Variants in IPO11 observed in about 807,000 individuals in gnomAD.
The protein encoded by IPO11 is importin 11.
IPO11 carries 66 observed loss-of-function variants against 143.2 expected under a neutral mutation model. That is an observed-to-expected ratio of 0.46 (90% CI 0.38 to 0.57). IPO11 has a LOEUF of 0.57. IPO11 is among the 20% of genes least tolerant of loss of function. The probability of loss-of-function intolerance (pLI) is 0.00; values close to 1 mark genes in which losing one functional copy is unlikely to be tolerated. For missense variants in IPO11, 1,026 were observed against 1,141.0 expected (o/e 0.90, Z 1.45); for synonymous variants, 385 against 377.8 (o/e 1.02, Z -0.22).
chr5:62,585,766 G>A (rs1422260844), intron 27 of IPO11, among the ~76,000 whole-genome samples: 1 of 152,114 alleles, frequency 6.6e-6, no homozygotes, highest in Non-Finnish European at 1.5e-5. Context: ...GACAAAATTG[G>A]CTTGTTGCAC....
In IPO11 at chr5:62,485,450, A is replaced by G. The variant is rs190560636; in HGVS notation, c.1206A>G (p.Lys402=). The G allele has an allele frequency of 4.4e-6, 7 of 1,608,588 alleles. No individual in the cohort carries two copies. Among genetic ancestry groups the G allele is most frequent in the Middle Eastern group, 1.7e-4 (1 of 6,024 alleles). Reference sequence around the variant, plus strand: ...AAGAAACAGGAGGAGATTCTTGGAAATATAGTTTGAGGGTAAGTATTAATT... The same window carrying G: ...AAGAAACAGGAGGAGATTCTTGGAAGTATAGTTTGAGGGTAAGTATTAATT... The part of the protein sequence containing the change: ...TVEETGGDSW[K]YSLRPCTEVL... The change falls in exon 12 of 30, where the codon AAA becomes AAG. Residue 402 remains lysine (K), a synonymous_variant. Coordinates refer to ENST00000325324, the MANE Select transcript of IPO11 (RefSeq NM_016338.5).
chr5:62,437,245 A>T (rs975705557), intron 1 of IPO11, 29 bp from the exon 2 acceptor site: 18 of 1,543,884 alleles, frequency 1.2e-5, no homozygotes, highest in Non-Finnish European at 1.6e-5. Context: ...TGTAATACAT[A>T]TTCAAGTATG....
At chr5:62,484,941 T>C (rs1746345011) in intron 11 of IPO11, among the ~76,000 whole-genome samples, 1 of 152,056 alleles carries the variant, frequency 6.6e-6, no homozygotes, top group South Asian at 2.1e-4. Context: ...ATTTGCTTTC[T>C]TTATATAGTA....
At chr5:62,515,294 G>T in intron 19 of IPO11, 94 bp from the exon 20 acceptor site, 1 of 705,212 alleles carries the variant, frequency 1.4e-6, no homozygotes, top group East Asian at 2.7e-5. Flanking sequence ...AATATGTGCT[G>T]TCTGGGACTT....
intron 5 of IPO11, among the ~76,000 whole-genome samples, chr5:62,455,884 C>T (rs1745130452): frequency 6.6e-6 from 1 of 151,860 alleles, no homozygotes; most frequent in Admixed American, 6.6e-5. Context: ...GCCACCATGC[C>T]CAGCTAATTT....
intron 29 of IPO11, among the ~76,000 whole-genome samples, chr5:62,626,664 CTT>C (rs535167129): frequency 5.1e-5 from 7 of 136,174 alleles, no homozygotes; most frequent in Non-Finnish European, 4.8e-5. Flanking sequence ...CGAGGAGTCC[CTT>C]TTTTTTTTTT....
chr5:62,626,382 G>T (rs923905029), intron 29 of IPO11, among the ~76,000 whole-genome samples: 1 of 152,034 alleles, frequency 6.6e-6, no homozygotes, highest in African/African-American at 2.4e-5. Flanking sequence ...ACCAACATCG[G>T]TGCATTATTA....
At chr5:62,484,492 A>G (rs564350001) in intron 11 of IPO11, among the ~76,000 whole-genome samples, 29 of 151,260 alleles carry the variant, frequency 1.9e-4, no homozygotes, top group African/African-American at 6.1e-4. Context: ...GATTCATTCC[A>G]TGTTATTTTT....
chr5:62,561,563 C>T (rs1322768462), intron 27 of IPO11, among the ~76,000 whole-genome samples: 1 of 152,140 alleles, frequency 6.6e-6, no homozygotes, highest in Non-Finnish European at 1.5e-5. Flanking sequence ...CTTCAGTCCT[C>T]TGTTTACATA....
At chr5:62,457,808 G>A (rs1745216575) in intron 5 of IPO11, among the ~76,000 whole-genome samples, 1 of 152,164 alleles carries the variant, frequency 6.6e-6, no homozygotes, top group Non-Finnish European at 1.5e-5. Flanking sequence ...CTTCCATGGT[G>A]TAGCTCCAGC....
chr5:62,418,251 C>T (rs1195066620), intron 1 of IPO11, among the ~76,000 whole-genome samples: 3 of 151,922 alleles, frequency 2.0e-5, no homozygotes, highest in Non-Finnish European at 1.5e-5. Flanking sequence ...CTGCGACCTC[C>T]GCCTTCTGGG....
rs530590324 is a variant in IPO11 at position 62,584,738 on chromosome 5, T to G, written c.2583-6839T>G. On this transcript the variant is annotated intron_variant, in intron 27 of 29. Coordinates refer to ENST00000325324, the MANE Select transcript of IPO11 (RefSeq NM_016338.5). ...CTGAAGCATAGCTTTTTTTGTTTTG[T>G]TTTTTGTTTTTGTTTTTTTTTTTTA... Among the ~76,000 whole-genome samples the G allele has an allele frequency of 1.5e-3, 223 of 150,030 alleles. 1 individual carries two copies. Among genetic ancestry groups the G allele is most frequent in the African/African-American group, 5.3e-3 (216 of 40,986 alleles).
In IPO11 at chr5:62,415,589, C is replaced by T. The variant is rs573223503; in HGVS notation, c.-7+2660C>T. 4.6e-4 allele frequency among the ~76,000 whole-genome samples: 70 copies of T among 151,822 alleles called. 1 individual carries two copies. The highest frequency in any genetic ancestry group is 1.7e-3 in the African/African-American group (69 of 41,344). On this transcript the variant is annotated intron_variant, in intron 1 of 29. Coordinates refer to ENST00000325324, the MANE Select transcript of IPO11 (RefSeq NM_016338.5). ...GTTCAAGTGATTCTCCTGCCTCAGC[C>T]TCCTGAGTAGCTGGGATTACCGGCA...
chr5:62,441,558 C>A (rs143334412), intron 2 of IPO11, among the ~76,000 whole-genome samples: 2,694 of 128,652 alleles, frequency 0.021, 104 homozygotes, highest in African/African-American at 0.076. Flanking sequence ...TCTTGTTGCC[C>A]AGGCTGGAGT....
In IPO11 at chr5:62,610,232, A is replaced by G. The variant is rs1456161201; in HGVS notation, c.2763+8384A>G. 2.6e-5 allele frequency among the ~76,000 whole-genome samples: 4 copies of G among 152,208 alleles called. 1 individual carries two copies. Among genetic ancestry groups the G allele is most frequent in the South Asian group, 4.1e-4 (2 of 4,824 alleles). ...TAGAGGTACTCATATTTGTTACTTT[A>G]TTGCTTGCCATCTGATTATTTCTTT... On this transcript the variant is annotated intron_variant, in intron 29 of 29. Transcript: ENST00000325324.
At chr5:62,523,326 A>T (rs866328952) in intron 20 of IPO11, among the ~76,000 whole-genome samples, 3 of 152,162 alleles carry the variant, frequency 2.0e-5, no homozygotes, top group South Asian at 4.1e-4. Context: ...GATTTCTAAC[A>T]CTGTGCATTA....
At chr5:62,556,765 A>C (rs2112358627) in intron 26 of IPO11, among the ~76,000 whole-genome samples, 1 of 152,288 alleles carries the variant, frequency 6.6e-6, no homozygotes, top group East Asian at 1.9e-4. Context: ...CTTCCAAAAC[A>C]ACCTACTTTT....
chr5:62,589,002 C>G (rs1744913274), intron 27 of IPO11, among the ~76,000 whole-genome samples: 1 of 151,154 alleles, frequency 6.6e-6, no homozygotes, highest in Admixed American at 6.6e-5. Context: ...CTGCTTCCCA[C>G]TGTGTGCCTC....
At chr5:62,485,338 A>G (rs1463449519) in intron 11 of IPO11, 81 bp from the exon 12 acceptor site, 23 of 1,125,482 alleles carry the variant, frequency 2.0e-5, no homozygotes, top group Non-Finnish European at 3.1e-5. Context: ...GTTCACAAAA[A>G]TATTATACTG....
Sources: gnomAD v4.1 joint callset for allele counts (sites outside exome capture counted in the v4.1 genomes callset) on GRCh38, gnomAD v4.1.1 for gene constraint, MANE v1.5 for transcripts, NCBI Gene and HGNC (gene_info 2026-07-23, HGNC 2026-07-21) for gene names.